GALNT16: variants seen among roughly 807,000 people sequenced by gnomAD.
The protein encoded by GALNT16 is UDP-GalNAc:polypeptide N-acetylgalactosaminyltransferase-like protein 1.
Under a neutral mutation model 76.1 loss-of-function variants are expected in GALNT16, and 40 were observed. The observed-to-expected ratio is 0.53, with a 90% CI of 0.41 to 0.68. The LOEUF (loss-of-function observed/expected upper bound fraction) is 0.68. Ranked by LOEUF, GALNT16 falls within the 30% of genes least tolerant of loss-of-function variation. GALNT16 has a pLI of 0.00. For missense variants in GALNT16, 621 were observed against 731.9 expected (o/e 0.85, Z 1.75); for synonymous variants, 276 against 285.2 (o/e 0.97, Z 0.32).
the GALNT16 span, among the ~76,000 whole-genome samples, chr14:69,362,269 A>G: frequency 3.3e-5 from 5 of 152,098 alleles, no homozygotes; most frequent in African/African-American, 9.7e-5. Context: ...TCCCGGCCTC[A>G]GGGTTCTCTG....
chr14:69,328,673 G>T, intron 6 of GALNT16, 102 bp downstream of exon 6: 10 of 1,236,864 alleles, frequency 8.1e-6, no homozygotes, highest in Non-Finnish European at 1.0e-5. Context: ...GGCAGGCATC[G>T]TAGGAAGCCC....
the GALNT16 span, among the ~76,000 whole-genome samples, chr14:69,369,258 A>G: frequency 6.6e-6 from 1 of 152,220 alleles, no homozygotes; most frequent in Non-Finnish European, 1.5e-5. Flanking sequence ...TTATTCCATT[A>G]TATCCCCAGA....
intron 1 of GALNT16, among the ~76,000 whole-genome samples, chr14:69,313,122 C>A (rs74059949): frequency 0.034 from 5,228 of 152,278 alleles, 302 homozygotes; most frequent in African/African-American, 0.12. Flanking sequence ...GCACAGTAGA[C>A]CCTCAATGAG....
intron 9 of GALNT16, among the ~76,000 whole-genome samples, chr14:69,335,876 G>A (rs961316672): frequency 2.0e-5 from 3 of 152,168 alleles, no homozygotes; most frequent in Non-Finnish European, 2.9e-5. Context: ...CACCTTGAGT[G>A]GGGCTGGCAG....
At chr14:69,307,654 G>A (rs2044955958) in intron 1 of GALNT16, among the ~76,000 whole-genome samples, 1 of 152,160 alleles carries the variant, frequency 6.6e-6, no homozygotes. Context: ...CTAGCTGGAG[G>A]AACTTGACTG....
chr14:69,306,834 ACTG>A (rs1260718968), intron 1 of GALNT16, among the ~76,000 whole-genome samples: 2 of 152,256 alleles, frequency 1.3e-5, no homozygotes, highest in African/African-American at 4.8e-5. Context: ...CTAGAAACGT[ACTG>A]CCAGACTGTT....
In GALNT16 at chr14:69,324,808, A is replaced by G; in HGVS notation, c.434+18A>G. 1 of 1,519,420 alleles carries G rather than the reference A, an allele frequency of 6.6e-7. No homozygotes were observed. The highest frequency in any genetic ancestry group is 9.0e-7 in the Non-Finnish European group (1 of 1,108,562). The allele number at this position is 1,519,420 out of a possible 1,614,324, so 94.1% of individuals were successfully genotyped here. A position where few individuals can be genotyped will look rare whatever the true frequency, so the allele number is the denominator to read the frequency against. On this transcript the variant is annotated intron_variant, in intron 3 of 14. Coordinates refer to ENST00000448469, the MANE Select transcript of GALNT16 (RefSeq NM_001168368.2). Reference sequence around the variant, plus strand: ...GTGAAGAGGTAAGTCCAGCCATGGGACTCTCATCTCAGTGGTGCTGGCAGG... The same window carrying G: ...GTGAAGAGGTAAGTCCAGCCATGGGGCTCTCATCTCAGTGGTGCTGGCAGG...
intron 1 of GALNT16, among the ~76,000 whole-genome samples, chr14:69,296,728 TGATAGATAGATA>T (rs141440096): frequency 1.8e-3 from 254 of 142,050 alleles, no homozygotes; most frequent in Middle Eastern, 0.011. Flanking sequence ...GACAGATAGA[TGATAGATAGATA>T]GATAGATAGA....
intron 2 of GALNT16, among the ~76,000 whole-genome samples, chr14:69,322,625 C>T (rs1458624359): frequency 2.0e-5 from 3 of 152,158 alleles, no homozygotes; most frequent in African/African-American, 4.8e-5. Context: ...GGCACGGTGG[C>T]TCACACCTGT....
At chr14:69,325,491 T>C in intron 4 of GALNT16, 87 bp downstream of exon 4, 1 of 836,594 alleles carries the variant, frequency 1.2e-6, no homozygotes, top group Non-Finnish European at 2.1e-6. Context: ...CCTGAGGTTG[T>C]CCTGACCATC....
At chr14:69,280,890 T>C (rs2044531910) in intron 1 of GALNT16, among the ~76,000 whole-genome samples, 1 of 152,104 alleles carries the variant, frequency 6.6e-6, no homozygotes, top group South Asian at 2.1e-4. Context: ...TTCTCTTCCC[T>C]TTCCTCCCCT....
chr14:69,313,599 T>C (rs1378785977), intron 1 of GALNT16, among the ~76,000 whole-genome samples: 2 of 152,206 alleles, frequency 1.3e-5, no homozygotes, highest in Non-Finnish European at 2.9e-5. Flanking sequence ...GTGAAACCAG[T>C]AGTGTTGGAA....
At chr14:69,266,214 A>G (rs1311155148) in intron 1 of GALNT16, among the ~76,000 whole-genome samples, 3 of 152,184 alleles carry the variant, frequency 2.0e-5, no homozygotes, top group Admixed American at 6.5e-5. Context: ...CGCTCCACAA[A>G]CATTCGATGG....
chr14:69,328,037 A>T (rs2045307173), intron 5 of GALNT16, among the ~76,000 whole-genome samples: 1 of 152,228 alleles, frequency 6.6e-6, no homozygotes, highest in South Asian at 2.1e-4. Flanking sequence ...AGCCTATCTT[A>T]GTCTCGAAGA....
Position 69,341,666 on chromosome 14 carries a change from T to C in GALNT16, c.1188-15T>C, listed in dbSNP as rs781579838. 1 of 1,595,276 alleles carries C rather than the reference T, an allele frequency of 6.3e-7. No individual in the cohort carries two copies. Among genetic ancestry groups the C allele is most frequent in the Non-Finnish European group, 8.6e-7 (1 of 1,166,162 alleles). ...CACTGGCAGGCCAAAGCCCAAGCCCTGCCTCCTCCTACAGTGTGGCTACGC... is the reference window on the plus strand; with the variant it reads ...CACTGGCAGGCCAAAGCCCAAGCCCCGCCTCCTCCTACAGTGTGGCTACGC... On this transcript the variant is annotated splice_polypyrimidine_tract_variant and intron_variant, in intron 11 of 14. Transcript: ENST00000448469.
chr14:69,311,083 G>A (rs569969595), intron 1 of GALNT16, among the ~76,000 whole-genome samples: 5 of 152,186 alleles, frequency 3.3e-5, no homozygotes, highest in Non-Finnish European at 5.9e-5. Context: ...TCTTTGTGCT[G>A]CTGTAACAGA....
chr14:69,260,049 T>G, upstream of GALNT16: 4 of 431,030 alleles, frequency 9.3e-6, no homozygotes, highest in Admixed American at 3.9e-5. Context: ...TGCGCACGAA[T>G]GAATGGGCGC....
At position 69,317,248 on chromosome 14, in the gene GALNT16, G is replaced by A. The variant is rs1450841041; in HGVS notation, c.178-3463G>A. Among the ~76,000 whole-genome samples, 5 of 152,194 alleles carry A rather than the reference G, an allele frequency of 3.3e-5. No homozygotes were observed. The East Asian group carries it at 9.6e-4, about 29-fold the overall frequency. The stretch of plus-strand genomic sequence containing the variant: ...AATACACTTAGTGAGCAACATGGAT[G>A]GAATGCAGGCTAGCAGCAGCACAGT... On this transcript the variant is annotated intron_variant, in intron 1 of 14. Transcript: ENST00000448469.
chr14:69,348,113 C>A (rs762645738), intron 14 of GALNT16, 111 bp downstream of exon 14: 2 of 1,134,560 alleles, frequency 1.8e-6, no homozygotes, highest in African/African-American at 1.5e-5. Flanking sequence ...CCCTTCAGAG[C>A]GAGGATCTGT....
Sources: gnomAD v4.1 joint callset for allele counts (sites outside exome capture counted in the v4.1 genomes callset) on GRCh38, gnomAD v4.1.1 for gene constraint, MANE v1.5 for transcripts, NCBI Gene and HGNC (gene_info 2026-07-23, HGNC 2026-07-21) for gene names.